The following XXYLT1 variants were observed in gnomAD, a reference collection of about 807,000 sequenced individuals.
The protein encoded by XXYLT1 is xyloside xylosyltransferase 1.
Under a neutral mutation model 28.9 loss-of-function variants are expected in XXYLT1, and 20 were observed. The ratio of observed to expected loss-of-function variants is 0.69; its 90% CI spans 0.49 to 1.00. The LOEUF is 1.00. Ranked by LOEUF, XXYLT1 falls within the 50% of genes least tolerant of loss-of-function variation. The pLI, the probability that XXYLT1 is intolerant of heterozygous loss-of-function variation, is 0.00. For synonymous variants in XXYLT1, 257 were observed against 253.8 expected (o/e 1.01, Z -0.12); for missense variants, 542 against 560.1 (o/e 0.97, Z 0.33).
At chr3:195,212,598 A>C (rs1442967508) in intron 2 of XXYLT1, among the ~76,000 whole-genome samples, 1 of 152,206 alleles carries the variant, frequency 6.6e-6, no homozygotes, top group Non-Finnish European at 1.5e-5. Flanking sequence ...ACCTCCTGTC[A>C]GATCAGCAGC....
intron 3 of XXYLT1, among the ~76,000 whole-genome samples, chr3:195,099,559 G>A (rs1037095881): frequency 5.9e-5 from 9 of 152,262 alleles, no homozygotes; most frequent in Admixed American, 5.2e-4. Context: ...GGCTGGGCGC[G>A]GTGGCTCATG....
chr3:195,206,938 T>C (rs1723099194), intron 2 of XXYLT1, among the ~76,000 whole-genome samples: 3 of 152,086 alleles, frequency 2.0e-5, no homozygotes, highest in South Asian at 2.1e-4. Context: ...GCATTCATTA[T>C]GCTCTCCTCT....
intron 2 of XXYLT1, among the ~76,000 whole-genome samples, chr3:195,162,413 G>C (rs764396997): frequency 1.3e-5 from 2 of 152,222 alleles, no homozygotes; most frequent in Non-Finnish European, 2.9e-5. Context: ...TTCATAGAGT[G>C]ATTTATGCAA....
chr3:195,090,946 C>T (rs1421023349), intron 3 of XXYLT1, among the ~76,000 whole-genome samples: 10 of 151,760 alleles, frequency 6.6e-5, no homozygotes, highest in East Asian at 1.9e-4. Flanking sequence ...ATAAATTCCT[C>T]GACGTATACA....
intron 3 of XXYLT1, among the ~76,000 whole-genome samples, chr3:195,126,195 A>G (rs796573607): frequency 3.1e-4 from 47 of 152,258 alleles, no homozygotes; most frequent in African/African-American, 1.1e-3. Flanking sequence ...CGAGAGGCCC[A>G]CTCAGTGCTG....
At chr3:195,158,483 C>T (rs1720715869) in intron 2 of XXYLT1, among the ~76,000 whole-genome samples, 2 of 152,202 alleles carry the variant, frequency 1.3e-5, no homozygotes, top group Non-Finnish European at 2.9e-5. Flanking sequence ...GGAGTAAACC[C>T]AGAAAGGTCC....
At chr3:195,224,343 G>T (rs180760327) in intron 2 of XXYLT1, among the ~76,000 whole-genome samples, 2 of 152,264 alleles carry the variant, frequency 1.3e-5, no homozygotes, top group Admixed American at 1.3e-4. Context: ...TTACTGCATC[G>T]ACTGCAAAGC....
intron 3 of XXYLT1, among the ~76,000 whole-genome samples, chr3:195,109,626 GGT>G (rs1717364981): frequency 8.2e-6 from 1 of 122,318 alleles, no homozygotes; most frequent in Admixed American, 8.5e-5. Context: ...GAGTGTGTGT[GGT>G]GTCTGTGTGG....
chr3:195,164,669 C>T (rs1179441450), intron 2 of XXYLT1, among the ~76,000 whole-genome samples: 1 of 152,244 alleles, frequency 6.6e-6, no homozygotes, highest in Non-Finnish European at 1.5e-5. Context: ...GAGCAGGATG[C>T]CTCACCTTGG....
intron 2 of XXYLT1, among the ~76,000 whole-genome samples, chr3:195,167,319 G>A (rs780212028): frequency 1.2e-4 from 19 of 152,270 alleles, no homozygotes; most frequent in Middle Eastern, 3.4e-3. Flanking sequence ...AGCCGGGCGC[G>A]GTGACTCATG....
rs1339710821 is a variant in XXYLT1, at chr3:195,240,487, G to A, written c.505-13631C>T. Among the ~76,000 whole-genome samples the A allele has an allele frequency of 2.0e-5, 3 of 152,202 alleles. No homozygotes were observed. The highest frequency in any genetic ancestry group is 6.5e-5 in the Admixed American group (1 of 15,284). ...AGAAAACTAATTTTATCACTTGGCCGGCCCCACTGGGAGTCAGGTCGCAGC... is the reference window on the plus strand; with the variant it reads ...AGAAAACTAATTTTATCACTTGGCCAGCCCCACTGGGAGTCAGGTCGCAGC... On this transcript the variant is annotated intron_variant, in intron 1 of 3. Coordinates refer to ENST00000310380, the MANE Select transcript of XXYLT1 (RefSeq NM_152531.5). The surrounding 1 kb of genome is among the most constrained non-coding windows in gnomAD (Gnocchi z 4.7).
intron 2 of XXYLT1, among the ~76,000 whole-genome samples, chr3:195,190,363 C>T (rs765330907): frequency 2.0e-5 from 3 of 151,750 alleles, no homozygotes; most frequent in South Asian, 2.1e-4. Context: ...GGCTTGGTGG[C>T]GTGCACCTGT....
At position 195,255,120 on chromosome 3, in the gene XXYLT1, C is replaced by T. The variant is rs1358911526; in HGVS notation, c.504+15435G>A. The stretch of plus-strand genomic sequence containing the variant: ...GGGGATAACAGCAGCATCAGAAAGA[C>T]CCATAAGGCCATAGGTTTGCAGAGG... On this transcript the variant is annotated intron_variant, in intron 1 of 3. Coordinates refer to ENST00000310380, the MANE Select transcript of XXYLT1 (RefSeq NM_152531.5). This position sits in a 1 kb window ranked among gnomAD's most constrained non-coding sequence, Gnocchi z 4.5. 6.6e-6 allele frequency among the ~76,000 whole-genome samples: 1 copy of T among 152,218 alleles called. No individual in the cohort carries two copies. Among genetic ancestry groups the T allele is most frequent in the Non-Finnish European group, 1.5e-5 (1 of 68,042 alleles).
intron 3 of XXYLT1, chr3:195,086,164 C>G (rs542509324): frequency 1.3e-5 from 2 of 152,408 alleles, no homozygotes; most frequent in East Asian, 1.9e-4. Flanking sequence ...TGCCTCGAAG[C>G]CTTACAGCTC....
At chr3:195,083,096 G>A (rs1715529047) in intron 3 of XXYLT1, among the ~76,000 whole-genome samples, 1 of 152,196 alleles carries the variant, frequency 6.6e-6, no homozygotes, top group Admixed American at 6.5e-5. Flanking sequence ...ACAGGATAGA[G>A]CGCCCGGCCC....
At chr3:195,211,347 C>G (rs180795911) in intron 2 of XXYLT1, among the ~76,000 whole-genome samples, 60 of 152,226 alleles carry the variant, frequency 3.9e-4, no homozygotes, top group African/African-American at 1.4e-3. Flanking sequence ...GAGCCAAGAT[C>G]GAGCCTCTGC....
In XXYLT1 at chr3:195,157,060, T is replaced by C. The variant is rs900867853; in HGVS notation, c.653-479A>G. ...GAGTTTGAGACCAGCCTGACCAACATTGTGAAACCCTGTCTCTACTAAAAA... is the reference window on the plus strand; with the variant it reads ...GAGTTTGAGACCAGCCTGACCAACACTGTGAAACCCTGTCTCTACTAAAAA... On this transcript the variant is annotated intron_variant, in intron 2 of 3. Coordinates refer to ENST00000310380, the MANE Select transcript of XXYLT1 (RefSeq NM_152531.5). 3.8e-4 allele frequency among the ~76,000 whole-genome samples: 58 copies of C among 151,868 alleles called. 1 individual carries two copies. The highest frequency in any genetic ancestry group is 1.4e-3 in the African/African-American group (56 of 41,402).
chr3:195,194,825 A>T (rs1399358937), intron 2 of XXYLT1, among the ~76,000 whole-genome samples: 1 of 152,224 alleles, frequency 6.6e-6, no homozygotes, highest in Non-Finnish European at 1.5e-5. Flanking sequence ...TACATATTAT[A>T]TGATTCAATT....
chr3:195,168,970 G>A lies in XXYLT1; in HGVS notation c.653-12389C>T, dbSNP rs1721262214. On this transcript the variant is annotated intron_variant, in intron 2 of 3. Transcript: ENST00000310380. The surrounding 1 kb of genome is among the most constrained non-coding windows in gnomAD (Gnocchi z 4.3). ...ACTCCCTGTGCAGTTACCTACTTCT[G>A]GGAAACAAATCACTCCAAAACCTAG... Among the ~76,000 whole-genome samples the A allele has an allele frequency of 6.6e-6, 1 of 152,158 alleles. No homozygotes were observed. Among genetic ancestry groups the A allele is most frequent in the South Asian group, 2.1e-4 (1 of 4,836 alleles).
Sources: gnomAD v4.1 joint callset for allele counts (sites outside exome capture counted in the v4.1 genomes callset) on GRCh38, gnomAD v4.1.1 for gene constraint, Gnocchi (gnomAD v3.1) non-coding constraint, MANE v1.5 for transcripts, NCBI Gene and HGNC (gene_info 2026-07-23, HGNC 2026-07-21) for gene names.